HYDIN: variants seen among roughly 807,000 people sequenced by gnomAD.
HYDIN encodes the protein HYDIN axonemal central pair apparatus protein.
A neutral mutation model predicts 403.9 loss-of-function variants in HYDIN; 132 were observed. That is an observed-to-expected ratio of 0.33 (90% CI 0.28 to 0.38). The LOEUF (loss-of-function observed/expected upper bound fraction) is 0.38, where lower values mean the gene tolerates loss of function less well. Ranked by LOEUF, HYDIN falls within the 10% of genes least tolerant of loss-of-function variation. The probability of loss-of-function intolerance (pLI) is 1.00; values close to 1 mark genes in which losing one functional copy is unlikely to be tolerated. For synonymous variants in HYDIN, 1,202 were observed against 1,891.7 expected, an observed-to-expected ratio of 0.64 and a Z score of 9.46; for missense variants, 2,827 against 5,009.5, an observed-to-expected ratio of 0.56 and a Z score of 13.15.
At chr16:71,216,308 T>G (rs1246364402) in intron 1 of HYDIN, among the ~76,000 whole-genome samples, 1 of 152,112 alleles carries the variant, frequency 6.6e-6, no homozygotes, top group South Asian at 2.1e-4. Flanking sequence ...AGACCAACAA[T>G]ATGGATGAAT....
At chr16:71,140,749 A>AT in intron 7 of HYDIN, among the ~76,000 whole-genome samples, 1 of 151,144 alleles carries the variant, frequency 6.6e-6, no homozygotes, top group East Asian at 1.9e-4. Context: ...CCAACACTGT[A>AT]TTTTTCAGTA....
At chr16:70,810,664 T>C (rs1202121799) in intron 84 of HYDIN, among the ~76,000 whole-genome samples, 1 of 151,594 alleles carries the variant, frequency 6.6e-6, no homozygotes, top group Non-Finnish European at 1.5e-5. Context: ...ACCCCATTTC[T>C]AAAAAAAACA....
chr16:71,003,709 G>A (rs1384986297), intron 23 of HYDIN, among the ~76,000 whole-genome samples: 1 of 151,458 alleles, frequency 6.6e-6, no homozygotes, highest in Non-Finnish European at 1.5e-5. Flanking sequence ...TGAGGCAGGA[G>A]AATTGCTAGA....
In HYDIN at chr16:70,807,979, G is replaced by A. The variant is rs760113295; in HGVS notation, c.14967C>T (p.Val4989=). ...CACCCAGGTGGCTGGGCTCGAATAAGACTTCCACACTGGCTTCAGTGCCTC... is the reference window on the plus strand; with the variant it reads ...CACCCAGGTGGCTGGGCTCGAATAAAACTTCCACACTGGCTTCAGTGCCTC... The part of the protein sequence containing the change: ...GQGGTEASVE[V]LFEPSHLGET... Residue 4989 remains valine, a synonymous_variant, in exon 86 of 86, where the codon GTC becomes GTT. Transcript: ENST00000393567. The A allele has an allele frequency of 2.8e-5, 45 of 1,614,018 alleles. No homozygotes were observed. The Middle Eastern group carries it at 4.9e-4, about 18-fold the overall frequency.
chr16:71,098,260 GGT>G (rs1410725095), intron 10 of HYDIN, among the ~76,000 whole-genome samples: 6 of 149,186 alleles, frequency 4.0e-5, no homozygotes, highest in African/African-American at 1.5e-4. Context: ...GGAGTGCAGT[GGT>G]GCGATCTCGG....
chr16:71,072,493 T>C (rs1475847012), intron 13 of HYDIN, among the ~76,000 whole-genome samples: 3 of 152,184 alleles, frequency 2.0e-5, no homozygotes, highest in Non-Finnish European at 4.4e-5. Context: ...AATGTTACCT[T>C]ACACTACAAG....
At chr16:70,859,540 A>G (rs2039271303) in intron 71 of HYDIN, among the ~76,000 whole-genome samples, 1 of 152,090 alleles carries the variant, frequency 6.6e-6, no homozygotes, top group Non-Finnish European at 1.5e-5. Context: ...TTCTGTCTTC[A>G]AGATTCTCTG....
chr16:70,834,565 C>T (rs1453599017), intron 78 of HYDIN, among the ~76,000 whole-genome samples: 6 of 151,930 alleles, frequency 3.9e-5, no homozygotes, highest in Non-Finnish European at 7.4e-5. Flanking sequence ...ATGCAGATTC[C>T]GGTTGGGTGC....
intron 1 of HYDIN, among the ~76,000 whole-genome samples, chr16:71,218,431 G>C (rs1171465861): frequency 6.6e-6 from 1 of 152,200 alleles, no homozygotes; most frequent in African/African-American, 2.4e-5. Context: ...AACCCACTGG[G>C]TTACGTGATT....
chr16:71,089,843 A>G (rs1382541832), intron 11 of HYDIN, among the ~76,000 whole-genome samples: 1 of 149,108 alleles, frequency 6.7e-6, no homozygotes, highest in Non-Finnish European at 1.5e-5. Context: ...GAGACAGCAT[A>G]TTTATAATAA....
At chr16:71,078,381 C>T (rs186500607) in intron 13 of HYDIN, among the ~76,000 whole-genome samples, 25 of 152,256 alleles carry the variant, frequency 1.6e-4, no homozygotes, top group African/African-American at 5.8e-4. Context: ...TCCCCCAACT[C>T]ATCCATTTCT....
At chr16:71,034,204 A>G (rs58515969) in intron 18 of HYDIN, among the ~76,000 whole-genome samples, 2,156 of 152,348 alleles carry the variant, frequency 0.014, 40 homozygotes, top group African/African-American at 0.045. Context: ...AGGACATTCC[A>G]GTCTAAGATT....
rs2079186539 is a variant in HYDIN, at chr16:70,986,160, G to T, written c.4195-838C>A. 2.2e-5 allele frequency among the ~76,000 whole-genome samples: 3 copies of T among 134,374 alleles called. No individual in the cohort carries two copies. The Admixed American group carries it at 2.3e-4, about 10-fold the overall frequency. 88.2% of individuals were successfully genotyped at this position (134,374 alleles called of 152,430 possible). A position where few individuals can be genotyped will look rare whatever the true frequency, so the allele number is the denominator to read the frequency against. On this transcript the variant is annotated intron_variant, in intron 27 of 85. Coordinates refer to ENST00000393567, the MANE Select transcript of HYDIN (RefSeq NM_001270974.2). ...AAAAAAGATTTGCCTTCTGGATTCT[G>T]TCCTGTAAGAAAAACAAAAGATTTG...
intron 1 of HYDIN, among the ~76,000 whole-genome samples, chr16:71,210,511 AGGGT>A (rs761857526): frequency 2.6e-5 from 4 of 151,822 alleles, no homozygotes; most frequent in Non-Finnish European, 2.9e-5. Flanking sequence ...TTGAGGGAGG[AGGGT>A]GGGAGGAGTG....
At chr16:70,897,427 T>C (rs1377811792) in intron 53 of HYDIN, among the ~76,000 whole-genome samples, 4 of 152,096 alleles carry the variant, frequency 2.6e-5, no homozygotes, top group African/African-American at 7.3e-5. Flanking sequence ...AGAATTTCCA[T>C]CTTCTCTTTC....
chr16:71,046,664 G>C (rs2081460039), intron 18 of HYDIN, among the ~76,000 whole-genome samples: 2 of 152,152 alleles, frequency 1.3e-5, no homozygotes, highest in South Asian at 4.2e-4. Flanking sequence ...ACGAAACAGA[G>C]GTAGAATAAA....
At position 70,879,677 on chromosome 16, in the gene HYDIN, G is replaced by T. The variant is rs371045017; in HGVS notation, c.10295C>A (p.Thr3432Lys). 3 of 1,534,808 alleles carry T rather than the reference G, an allele frequency of 2.0e-6. No individual in the cohort carries two copies. In the South Asian group the frequency reaches 3.4e-5, roughly 17 times the overall value. Residue 3432 changes from threonine to lysine, a missense_variant, in exon 61 of 86, where the codon ACG becomes AAG. By Grantham distance (78) the Thr-to-Lys change is moderately conservative. Transcript: ENST00000393567. ...CIASHSHAFATVSFTPQIMQN... is the reference protein window; with the variant it reads ...CIASHSHAFAKVSFTPQIMQN... ...CATGATCTGCGGGGTGAAGGACACC[G>T]TGGCAAAGGCATGGGAATGACTGGC... is the stretch of plus-strand genomic sequence containing the variant.
At chr16:71,073,403 T>C (rs1224917691) in intron 13 of HYDIN, among the ~76,000 whole-genome samples, 1 of 152,176 alleles carries the variant, frequency 6.6e-6, no homozygotes, top group Non-Finnish European at 1.5e-5. Context: ...TCTGTGATCA[T>C]TACAATCCGG....
intron 13 of HYDIN, among the ~76,000 whole-genome samples, chr16:71,076,555 T>C (rs1198332366): frequency 2.1e-5 from 2 of 97,520 alleles, no homozygotes; most frequent in Admixed American, 2.4e-4. Context: ...GAAATACTAG[T>C]TGGGTTATAA....
Sources: gnomAD v4.1 joint callset for allele counts (sites outside exome capture counted in the v4.1 genomes callset) on GRCh38, gnomAD v4.1.1 for gene constraint, MANE v1.5 for transcripts, NCBI Gene and HGNC (gene_info 2026-07-23, HGNC 2026-07-21) for gene names.